Variants in ENGASE observed in about 807,000 individuals in gnomAD.
ENGASE encodes the protein endo-beta-N-acetylglucosaminidase, also known as cytosolic endo-beta-N-acetylglucosaminidase.
In ENGASE, 69 loss-of-function variants were observed where a neutral mutation model predicts 78.5. The ratio of observed to expected loss-of-function variants is 0.88; its 90% confidence interval spans 0.72 to 1.07. The LOEUF is 1.07. Among genes scored for constraint, ENGASE ranks in the 50% least tolerant of loss-of-function variants. ENGASE has a pLI of 0.00. For synonymous variants in ENGASE, 408 were observed against 408.9 expected (o/e 1.00, Z 0.03); for missense variants, 943 against 988.4 (o/e 0.95, Z 0.62).
At chr17:79,082,790 C>T in intron 7 of ENGASE, 4 of 1,484,054 alleles carry the variant, frequency 2.7e-6, no homozygotes, top group African/African-American at 1.4e-5. Context: ...CCCTGCCCCC[C>T]TGCCCTTGCA....
chr17:79,085,390 G>A (rs2073266403), intron 12 of ENGASE, 48 bp downstream of exon 12: 1 of 1,497,124 alleles, frequency 6.7e-7, no homozygotes, highest in Admixed American at 2.0e-5. Context: ...TCAAGTCTCT[G>A]TTGGGAAACC....
At position 79,079,785 on chromosome 17, in the gene ENGASE, C is replaced by A. The variant is rs1303716308; in HGVS notation, c.565+148C>A. 6.4e-6 allele frequency: 6 copies of A among 941,486 alleles called. No homozygotes were observed. The African/African-American group carries it at 6.9e-5, about 11-fold the overall frequency. The allele number at this position is 941,486 out of a possible 1,614,324, so 58.3% of individuals were successfully genotyped here. A position where few individuals can be genotyped will look rare whatever the true frequency, so the allele number is the denominator to read the frequency against. ...CGCCTTGGTCGGCTAGGACAGGCAG[C>A]TGCAGGCTTTTTCTGGAAAGGACCA... On this transcript the variant is annotated intron_variant, in intron 4 of 13. Transcript: ENST00000579016.
chr17:79,087,006 G>A lies in ENGASE; in HGVS notation c.*657G>A, dbSNP rs1190784718. On this transcript the variant is annotated 3_prime_UTR_variant, in exon 14 of 14. Coordinates refer to ENST00000579016, the MANE Select transcript of ENGASE (RefSeq NM_001042573.3). Reference sequence around the variant, plus strand: ...TTTCCTGGCGTTGGCAATTTACTGTGCTGCTGAGTGTGAGGTCATCTCCGG... The same window carrying A: ...TTTCCTGGCGTTGGCAATTTACTGTACTGCTGAGTGTGAGGTCATCTCCGG... 2.0e-6 allele frequency: 1 copy of A among 506,004 alleles called. No individual in the cohort carries two copies. Among genetic ancestry groups the A allele is most frequent in the African/African-American group, 1.9e-5 (1 of 51,828 alleles). 31.3% of individuals were successfully genotyped at this position (506,004 alleles called of 1,614,324 possible). A position where few individuals can be genotyped will look rare whatever the true frequency, so the allele number is the denominator to read the frequency against.
In ENGASE at chr17:79,074,928, C is replaced by T; in HGVS notation, c.-17C>T. 1 of 1,259,946 alleles carries T rather than the reference C, an allele frequency of 7.9e-7. No individual in the cohort carries two copies. The highest frequency in any genetic ancestry group is 1.0e-6 in the Non-Finnish European group (1 of 1,002,022). The allele number at this position is 1,259,946 out of a possible 1,614,324, so 78.0% of individuals were successfully genotyped here. On this transcript the variant is annotated 5_prime_UTR_variant, in exon 1 of 14. Transcript: ENST00000579016. ...GCCCGGGCCTGCGATTGCCTCTCGG[C>T]GTGCGCGGACAGTGTCATGGAGGCC...
chr17:79,082,480 C>CGGTA, intron 7 of ENGASE: 1 of 1,203,710 alleles, frequency 8.3e-7, no homozygotes. Flanking sequence ...GTTTGGGGAT[C>CGGTA]GGTAGGTGTC....
In ENGASE at chr17:79,086,513, G is replaced by C; in HGVS notation, c.*164G>C. 1 of 793,286 alleles carries C rather than the reference G, an allele frequency of 1.3e-6. No individual in the cohort carries two copies. The highest frequency in any genetic ancestry group is 1.9e-6 in the Non-Finnish European group (1 of 516,080). The allele number at this position is 793,286 out of a possible 1,614,324, so 49.1% of individuals were successfully genotyped here. The stretch of plus-strand genomic sequence containing the variant: ...GGGCTGAGTGCTGTGGCTTTCTGGT[G>C]GGGGGCGATGGAAACAGGAAACCAA... On this transcript the variant is annotated 3_prime_UTR_variant, in exon 14 of 14. Transcript: ENST00000579016.
At chr17:79,079,702 T>C (rs1344371549) in intron 4 of ENGASE, 65 bp downstream of exon 4, 1 of 1,571,100 alleles carries the variant, frequency 6.4e-7, no homozygotes, top group East Asian at 2.3e-5. Context: ...GGGGACCCCG[T>C]GATTAGGAGG....
rs1353430036 is a variant in ENGASE at position 79,086,357 on chromosome 17, C to G, written c.*8C>G. The G allele has an allele frequency of 1.2e-6, 2 of 1,604,372 alleles. No individual in the cohort carries two copies. The highest frequency in any genetic ancestry group is 2.2e-5 in the South Asian group (2 of 90,430). ...TATTCAGCCCCTGCATGAGCGGATG[C>G]TAAGGCCGGGTGGTCTCCTGGCCTC... On this transcript the variant is annotated 3_prime_UTR_variant, in exon 14 of 14. Coordinates refer to ENST00000579016, the MANE Select transcript of ENGASE (RefSeq NM_001042573.3).
intron 2 of ENGASE, 70 bp from the exon 3 acceptor site, chr17:79,077,593 T>C (rs940712516): frequency 1.3e-6 from 2 of 1,589,492 alleles, no homozygotes; most frequent in African/African-American, 1.3e-5. Flanking sequence ...TTCTCTGTTA[T>C]TGTTAAAATG....
chr17:79,083,312 T>A lies in ENGASE; in HGVS notation c.1143-170T>A. ...GGGACCAAACCCAGCGGCCGCTTCC[T>A]GCAGACTCGTGTTTGCAGCGTATCT... On this transcript the variant is annotated intron_variant, in intron 8 of 13. Transcript: ENST00000579016. The surrounding 1 kb of genome is among the most constrained non-coding windows in gnomAD (Gnocchi z 4.9). 7.2e-6 allele frequency: 5 copies of A among 693,626 alleles called. No homozygotes were observed. The South Asian group carries it at 9.2e-5, about 13-fold the overall frequency. 43.0% of individuals were successfully genotyped at this position (693,626 alleles called of 1,614,324 possible). A position where few individuals can be genotyped will look rare whatever the true frequency, so the allele number is the denominator to read the frequency against.
chr17:79,080,073 T>G, intron 4 of ENGASE, 134 bp from the exon 5 acceptor site: 1 of 879,830 alleles, frequency 1.1e-6, no homozygotes, highest in Non-Finnish European at 1.7e-6. Context: ...ATTCACGGGA[T>G]ATATGGGGAT....
At position 79,082,068 on chromosome 17, in the gene ENGASE, G is replaced by A; in HGVS notation, c.1038+5G>A. The A allele has an allele frequency of 5.0e-6, 8 of 1,614,208 alleles. No individual in the cohort carries two copies. Among genetic ancestry groups the A allele is most frequent in the Non-Finnish European group, 6.8e-6 (8 of 1,180,022 alleles). ...GGCCGATTCGACACAGACAAGGTGGGTGGTGGCTTTCGTCCAAGGGCCAGC... is the reference window on the plus strand; with the variant it reads ...GGCCGATTCGACACAGACAAGGTGGATGGTGGCTTTCGTCCAAGGGCCAGC... On this transcript the variant is annotated splice_donor_5th_base_variant and intron_variant, in intron 7 of 13. Coordinates refer to ENST00000579016, the MANE Select transcript of ENGASE (RefSeq NM_001042573.3).
Position 79,083,250 on chromosome 17 carries a change from C to A in ENGASE, c.1142+127C>A. The A allele has an allele frequency of 1.2e-6, 1 of 814,822 alleles. No homozygotes were observed. Among genetic ancestry groups the A allele is most frequent in the Non-Finnish European group, 1.9e-6 (1 of 515,506 alleles). The allele number at this position is 814,822 out of a possible 1,614,324, so 50.5% of individuals were successfully genotyped here. On this transcript the variant is annotated intron_variant, in intron 8 of 13. Transcript: ENST00000579016. The surrounding 1 kb of genome is among the most constrained non-coding windows in gnomAD (Gnocchi z 4.9). Reference sequence around the variant, plus strand: ...TGGGGGGGTGGTTAAGGGAGGATGACAGGGGAGGAAGCCAGCACCCTGGCT... The same window carrying A: ...TGGGGGGGTGGTTAAGGGAGGATGAAAGGGGAGGAAGCCAGCACCCTGGCT...
In ENGASE at chr17:79,080,324, G is replaced by A. The variant is rs765743001; in HGVS notation, c.683G>A (p.Arg228His). The change falls in exon 5 of 14, where the codon CGT (arginine) becomes CAT (histidine). Residue 228 changes from arginine (R) to histidine (H), a missense_variant. Coordinates refer to ENST00000579016, the MANE Select transcript of ENGASE (RefSeq NM_001042573.3). The part of the protein sequence containing the change: ...DRLVQITQFF[R>H]FDGWLINIEN... ...CTGGTCCAGATCACTCAGTTTTTTCGTTTTGATGGCTGGCTGATCAACATC... is the reference window on the plus strand; with the variant it reads ...CTGGTCCAGATCACTCAGTTTTTTCATTTTGATGGCTGGCTGATCAACATC... 49 of 1,613,612 alleles carry A rather than the reference G, an allele frequency of 3.0e-5. No homozygotes were observed. The highest frequency in any genetic ancestry group is 1.9e-4 in the African/African-American group (14 of 74,882).
Position 79,086,506 on chromosome 17 carries a change from T to C in ENGASE, c.*157T>C. 2.3e-6 allele frequency: 2 copies of C among 867,560 alleles called. No homozygotes were observed. The highest frequency in any genetic ancestry group is 2.9e-5 in the Admixed American group (1 of 33,930). 53.7% of individuals were successfully genotyped at this position (867,560 alleles called of 1,614,324 possible). A position where few individuals can be genotyped will look rare whatever the true frequency, so the allele number is the denominator to read the frequency against. Reference sequence around the variant, plus strand: ...AGACCCCGGGCTGAGTGCTGTGGCTTTCTGGTGGGGGGCGATGGAAACAGG... The same window carrying C: ...AGACCCCGGGCTGAGTGCTGTGGCTCTCTGGTGGGGGGCGATGGAAACAGG... On this transcript the variant is annotated 3_prime_UTR_variant, in exon 14 of 14. Transcript: ENST00000579016.
At chr17:79,079,373 G>T (rs2073058165) in intron 3 of ENGASE, 116 bp from the exon 4 acceptor site, 2 of 1,202,000 alleles carry the variant, frequency 1.7e-6, no homozygotes, top group Non-Finnish European at 2.3e-6. Flanking sequence ...TTGCCATGTT[G>T]CCCAGGCTGG....
intron 11 of ENGASE, 23 bp downstream of exon 11, chr17:79,084,709 TG>T: frequency 6.2e-7 from 1 of 1,609,932 alleles, no homozygotes; most frequent in Non-Finnish European, 8.5e-7. Context: ...GGCCCAGGCC[TG>T]CCTCTGCCCA....
rs564375513 is a variant in ENGASE, at chr17:79,086,421, C to T, written c.*72C>T. On this transcript the variant is annotated 3_prime_UTR_variant, in exon 14 of 14. Coordinates refer to ENST00000579016, the MANE Select transcript of ENGASE (RefSeq NM_001042573.3). The stretch of plus-strand genomic sequence containing the variant: ...TTCCCGGCTGTCTGCCCCTGGCCTG[C>T]GCTGGACCTGCTAAGTGCCCACAGT... 418 of 1,509,954 alleles carry T rather than the reference C, an allele frequency of 2.8e-4. 2 individuals carry two copies. In the African/African-American group the frequency reaches 4.6e-3, roughly 17 times the overall value. 93.5% of individuals were successfully genotyped at this position (1,509,954 alleles called of 1,614,324 possible).
In ENGASE at chr17:79,084,650, G is replaced by A. The variant is rs548052553; in HGVS notation, c.1555G>A (p.Gly519Ser). Residue 519 changes from glycine to serine, a missense_variant, in exon 11 of 14, where the codon GGC (glycine) becomes AGC (serine). Gly to Ser is a moderately conservative substitution (Grantham distance 56). Transcript: ENST00000579016. ...TTTGGAGCTGACCACAGGGGATGCCGGCAGCTGCCACATCGGTGGCATCTC... is the reference window on the plus strand; with the variant it reads ...TTTGGAGCTGACCACAGGGGATGCCAGCAGCTGCCACATCGGTGGCATCTC... ...VALELTTGDAGSCHIGGISVL... is the reference protein window; with the variant it reads ...VALELTTGDASSCHIGGISVL... The A allele has an allele frequency of 6.8e-6, 11 of 1,612,640 alleles. No homozygotes were observed. Among genetic ancestry groups the A allele is most frequent in the Middle Eastern group, 1.7e-4 (1 of 6,056 alleles).
Sources: gnomAD v4.1 joint callset for allele counts on GRCh38, gnomAD v4.1.1 for gene constraint, Gnocchi (gnomAD v3.1) non-coding constraint, MANE v1.5 for transcripts, NCBI Gene and HGNC (gene_info 2026-07-23, HGNC 2026-07-21) for gene names.